The following ROR1 variants were observed in gnomAD, a reference collection of about 807,000 sequenced individuals.
The protein encoded by ROR1 is ROR family WNT receptor 1, also known as inactive tyrosine-protein kinase transmembrane receptor ROR1.
In ROR1, 19 loss-of-function variants were observed where a neutral mutation model predicts 78.8. The ratio of observed to expected loss-of-function variants is 0.24; its 90% CI spans 0.17 to 0.35. The LOEUF (loss-of-function observed/expected upper bound fraction) is 0.35, where lower values mean the gene tolerates loss of function less well. Ranked by LOEUF, ROR1 falls within the 10% of genes least tolerant of loss-of-function variation. The probability of loss-of-function intolerance (pLI) is 1.00; values close to 1 mark genes in which losing one functional copy is unlikely to be tolerated. For missense variants in ROR1, 917 were observed against 1,177.8 expected (o/e 0.78, Z 3.24); for synonymous variants, 386 against 433.6 (o/e 0.89, Z 1.36).
chr1:64,039,211 G>C (rs915265249), intron 2 of ROR1, among the ~76,000 whole-genome samples: 1 of 152,202 alleles, frequency 6.6e-6, no homozygotes, highest in Admixed American at 6.5e-5. Flanking sequence ...AGAATGGCTT[G>C]TGTGCCCTTT....
intron 3 of ROR1, among the ~76,000 whole-genome samples, 192 bp from the exon 4 acceptor site, chr1:64,050,494 C>T (rs977155081): frequency 4.0e-5 from 6 of 150,746 alleles, no homozygotes; most frequent in Non-Finnish European, 7.4e-5. Flanking sequence ...GACATAGACA[C>T]GTTCTCACTG....
At chr1:63,776,514 C>G (rs1644617329) in intron 1 of ROR1, among the ~76,000 whole-genome samples, 1 of 152,062 alleles carries the variant, frequency 6.6e-6, no homozygotes, top group Non-Finnish European at 1.5e-5. Context: ...GTAATCAGAA[C>G]GAAACAGAAC....
At position 64,178,741 on chromosome 1, in the gene ROR1, C is replaced by T. The variant is rs1650465014; in HGVS notation, c.2700C>T (p.Thr900=). The change falls in exon 9 of 9, where the codon ACC becomes ACT. Residue 900 remains threonine, a synonymous_variant. Coordinates refer to ENST00000371079, the MANE Select transcript of ROR1 (RefSeq NM_005012.4). This position sits in a 1 kb window ranked among gnomAD's most constrained non-coding sequence, Gnocchi z 4.3. ...IPNHPGGMGI[T]VFGNKSQKPY... Reference sequence around the variant, plus strand: ...ATCATCCTGGTGGAATGGGTATCACCGTTTTTGGCAACAAATCTCAAAAAC... The same window carrying T: ...ATCATCCTGGTGGAATGGGTATCACTGTTTTTGGCAACAAATCTCAAAAAC... The T allele has an allele frequency of 1.9e-6, 3 of 1,614,036 alleles. No individual in the cohort carries two copies. The highest frequency in any genetic ancestry group is 2.2e-5 in the East Asian group (1 of 44,864).
chr1:63,830,347 T>C (rs1164562905), intron 1 of ROR1, among the ~76,000 whole-genome samples: 4 of 152,194 alleles, frequency 2.6e-5, no homozygotes, highest in Non-Finnish European at 4.4e-5. Flanking sequence ...TACCCGAGAC[T>C]GGGTAATTTA....
chr1:64,063,606 T>A (rs981698596), intron 4 of ROR1, among the ~76,000 whole-genome samples: 2 of 150,764 alleles, frequency 1.3e-5, no homozygotes, highest in Non-Finnish European at 2.9e-5. Flanking sequence ...TCTGTTGCTG[T>A]CCTCTCTATG....
intron 1 of ROR1, among the ~76,000 whole-genome samples, chr1:63,984,186 G>A (rs1034539593): frequency 6.6e-6 from 1 of 152,140 alleles, no homozygotes; most frequent in African/African-American, 2.4e-5. Context: ...ATGAGAAGGT[G>A]GCTGAATGGT....
At chr1:63,938,813 T>C (rs376900318) in intron 1 of ROR1, among the ~76,000 whole-genome samples, 1 of 152,022 alleles carries the variant, frequency 6.6e-6, no homozygotes, top group African/African-American at 2.4e-5. Context: ...CTGAACAACA[T>C]AGGGAGACCC....
At chr1:64,051,782 A>G (rs748055347) in intron 4 of ROR1, among the ~76,000 whole-genome samples, 12 of 152,200 alleles carry the variant, frequency 7.9e-5, no homozygotes, top group Non-Finnish European at 1.6e-4. Flanking sequence ...AATCCTCAAT[A>G]CTCTGTAGAC....
chr1:63,967,409 GA>G (rs1195968242), intron 1 of ROR1, among the ~76,000 whole-genome samples: 1 of 151,966 alleles, frequency 6.6e-6, no homozygotes, highest in Non-Finnish European at 1.5e-5. Flanking sequence ...TTTAAATTTG[GA>G]AATGGATTCT....
chr1:64,132,279 C>G (rs1042508057), intron 4 of ROR1, among the ~76,000 whole-genome samples: 2 of 152,068 alleles, frequency 1.3e-5, no homozygotes, highest in African/African-American at 4.8e-5. Flanking sequence ...ATGTATCTAC[C>G]ACCTTTTGTC....
chr1:63,951,092 G>A (rs1242721094), intron 1 of ROR1, among the ~76,000 whole-genome samples: 3 of 152,186 alleles, frequency 2.0e-5, no homozygotes, highest in Admixed American at 6.5e-5. Flanking sequence ...GAAGTAGAAG[G>A]AGCTCTGCAA....
chr1:64,125,884 T>A (rs1019045184), intron 4 of ROR1, among the ~76,000 whole-genome samples: 7 of 152,152 alleles, frequency 4.6e-5, no homozygotes, highest in Admixed American at 4.6e-4. Context: ...AAGTTATATG[T>A]ACTAGACTCT....
intron 2 of ROR1, among the ~76,000 whole-genome samples, chr1:64,041,218 C>T (rs1484501767): frequency 6.6e-6 from 1 of 152,040 alleles, no homozygotes; most frequent in Non-Finnish European, 1.5e-5. Flanking sequence ...CTGGTGATGA[C>T]AAAATGCAAT....
Position 63,816,367 on chromosome 1 carries a change from G to A in ROR1, c.91+41859G>A, listed in dbSNP as rs182594030. 1.2e-4 allele frequency among the ~76,000 whole-genome samples: 18 copies of A among 152,298 alleles called. No homozygotes were observed. The East Asian group carries it at 3.5e-3, about 29-fold the overall frequency. On this transcript the variant is annotated intron_variant, in intron 1 of 8. Transcript: ENST00000371079. The stretch of plus-strand genomic sequence containing the variant: ...CATAGGAGCAGGTCTTTCCCATGCT[G>A]TTCTCATGACAGTGAGTAAGTCTCA...
chr1:64,084,701 T>C (rs924665768), intron 4 of ROR1, among the ~76,000 whole-genome samples: 2 of 152,224 alleles, frequency 1.3e-5, no homozygotes, highest in East Asian at 3.8e-4. Context: ...CCAGTTGATA[T>C]GTCTATGTCT....
chr1:64,110,553 A>G (rs1648050505), intron 4 of ROR1: 1 of 152,052 alleles, frequency 6.6e-6, no homozygotes, highest in South Asian at 2.1e-4. Context: ...TCCTGCCTAA[A>G]AAACAGGATA....
chr1:63,985,439 G>A (rs531360965), intron 1 of ROR1, among the ~76,000 whole-genome samples: 5 of 152,120 alleles, frequency 3.3e-5, no homozygotes, highest in South Asian at 2.1e-4. Flanking sequence ...AATCACCACC[G>A]ATTGCCCATC....
intron 2 of ROR1, among the ~76,000 whole-genome samples, chr1:64,039,916 A>G (rs1285736662): frequency 6.6e-6 from 1 of 152,238 alleles, no homozygotes; most frequent in African/African-American, 2.4e-5. Flanking sequence ...TTTAGGCTGC[A>G]ATGTGACCTA....
chr1:64,005,564 G>A (rs528575596), intron 1 of ROR1, among the ~76,000 whole-genome samples: 4 of 152,268 alleles, frequency 2.6e-5, no homozygotes, highest in African/African-American at 7.2e-5. Context: ...TCCATCAGTG[G>A]AGATCCTACA....
Sources: allele counts gnomAD v4.1 joint callset (sites outside exome capture counted in the v4.1 genomes callset), GRCh38; gene constraint gnomAD v4.1.1; non-coding constraint Gnocchi (gnomAD v3.1); transcripts MANE v1.5; gene names NCBI Gene and HGNC (gene_info 2026-07-23, HGNC 2026-07-21).